Variants in SAG observed in about 807,000 individuals in gnomAD.
The protein encoded by SAG is S-antigen visual arrestin.
A neutral mutation model predicts 55.0 loss-of-function variants in SAG; 45 were observed. The observed-to-expected ratio is 0.82, with a 90% CI of 0.64 to 1.05. The LOEUF is 1.05. Among genes scored for constraint, SAG ranks in the 50% least tolerant of loss-of-function variants. The pLI is 0.00. For synonymous variants in SAG, 189 were observed against 197.4 expected (o/e 0.96, Z 0.36); for missense variants, 455 against 512.1 (o/e 0.89, Z 1.08).
intron 10 of SAG, chr2:233,334,520 A>C: frequency 6.3e-6 from 1 of 158,638 alleles, no homozygotes; most frequent in Non-Finnish European, 1.4e-5. Context: ...CCTCTAGACA[A>C]CTTACCACAC....
In SAG at chr2:233,320,708, T is replaced by C. The variant is rs1476225391; in HGVS notation, c.260T>C (p.Leu87Pro). Residue 87 changes from leucine to proline, a missense_variant, in exon 5 of 16, where the codon CTG (leucine) becomes CCG (proline). By Grantham distance (98) the Leu-to-Pro change is moderately conservative. Transcript: ENST00000409110. ...DVIGLTFRRD[L>P]YFSRVQVYPP... ...ATCGGCTTGACCTTCCGCAGGGACC[T>C]GTACTTCTCCCGGGTCCAGGTGTAT... The C allele has an allele frequency of 1.2e-6, 2 of 1,605,780 alleles. No homozygotes were observed. Among genetic ancestry groups the C allele is most frequent in the South Asian group, 1.1e-5 (1 of 89,412 alleles).
At chr2:233,314,326 A>G (rs1485977102) in intron 2 of SAG, among the ~76,000 whole-genome samples, 1 of 152,090 alleles carries the variant, frequency 6.6e-6, no homozygotes, top group Non-Finnish European at 1.5e-5. Context: ...GGATCGCACA[A>G]TTCTCAGAAC....
Position 233,330,104 on chromosome 2 carries a change from G to T in SAG, c.733+527G>T, listed in dbSNP as rs146551847. 3.8e-4 allele frequency among the ~76,000 whole-genome samples: 58 copies of T among 152,314 alleles called. 1 individual carries two copies. The East Asian group carries it at 9.3e-3, about 24-fold the overall frequency. On this transcript the variant is annotated intron_variant, in intron 9 of 15. Coordinates refer to ENST00000409110, the MANE Select transcript of SAG (RefSeq NM_000541.5). ...ATATCCTACAGGGGAGGTGCCTTCTGCCTGTTGTTCCCACACATTAACTAA... is the reference window on the plus strand; with the variant it reads ...ATATCCTACAGGGGAGGTGCCTTCTTCCTGTTGTTCCCACACATTAACTAA...
intron 2 of SAG, among the ~76,000 whole-genome samples, chr2:233,312,898 G>T (rs1009546976): frequency 2.8e-4 from 43 of 152,174 alleles, no homozygotes; most frequent in African/African-American, 7.5e-4. Flanking sequence ...TATTCCAGGG[G>T]CACAATTGCC....
chr2:233,318,401 T>A (rs1372097), intron 3 of SAG, among the ~76,000 whole-genome samples: 74,381 of 151,662 alleles, frequency 0.49, 18,773 homozygotes, highest in South Asian at 0.64. Context: ...TAATTTTTTT[T>A]AAAAACTTTT....
chr2:233,340,253 G>A lies in SAG; in HGVS notation c.1023-202G>A, dbSNP rs780509221. 9.9e-5 allele frequency among the ~76,000 whole-genome samples: 15 copies of A among 152,088 alleles called. No individual in the cohort carries two copies. Among genetic ancestry groups the A allele is most frequent in the Non-Finnish European group, 7.3e-5 (5 of 68,038 alleles). ...ATTACAGGCATGATCCCCCATGCCCGGCCTTTTTAAACTAATCATCTTGAG... is the reference window on the plus strand; with the variant it reads ...ATTACAGGCATGATCCCCCATGCCCAGCCTTTTTAAACTAATCATCTTGAG... On this transcript the variant is annotated intron_variant, in intron 12 of 15. Transcript: ENST00000409110. The surrounding 1 kb of genome is among the most constrained non-coding windows in gnomAD (Gnocchi z 4.2).
At position 233,319,071 on chromosome 2, in the gene SAG, T is replaced by G; in HGVS notation, c.181+276T>G. ...ACGGAGCCCAGGTCTGTGGCCCCCATTCCTGTTTGCTCGCCCCTGTTTCAT... is the reference window on the plus strand; with the variant it reads ...ACGGAGCCCAGGTCTGTGGCCCCCAGTCCTGTTTGCTCGCCCCTGTTTCAT... On this transcript the variant is annotated intron_variant, in intron 4 of 15. Coordinates refer to ENST00000409110, the MANE Select transcript of SAG (RefSeq NM_000541.5). This position sits in a 1 kb window ranked among gnomAD's most constrained non-coding sequence, Gnocchi z 4.4. The G allele has an allele frequency of 1.6e-6, 1 of 632,574 alleles. No individual in the cohort carries two copies. The highest frequency in any genetic ancestry group is 3.2e-5 in the East Asian group (1 of 31,190). 39.2% of individuals were successfully genotyped at this position (632,574 alleles called of 1,614,324 possible).
At chr2:233,308,854 A>T (rs1465196849) in intron 1 of SAG, among the ~76,000 whole-genome samples, 1 of 152,220 alleles carries the variant, frequency 6.6e-6, no homozygotes, top group African/African-American at 2.4e-5. Flanking sequence ...AAGTGTGATA[A>T]CACCAAAGGT....
intron 2 of SAG, among the ~76,000 whole-genome samples, chr2:233,315,235 C>T (rs1297572364): frequency 6.8e-6 from 1 of 146,102 alleles, no homozygotes; most frequent in Non-Finnish European, 1.5e-5. Flanking sequence ...GGTGGGATTT[C>T]AGGGGCTTCT....
In SAG at chr2:233,342,408, C is replaced by T; in HGVS notation, c.1102+82C>T. 3 of 1,173,236 alleles carry T rather than the reference C, an allele frequency of 2.6e-6. No homozygotes were observed. In the South Asian group the frequency reaches 3.9e-5, roughly 15 times the overall value. The allele number at this position is 1,173,236 out of a possible 1,614,324, so 72.7% of individuals were successfully genotyped here. A position where few individuals can be genotyped will look rare whatever the true frequency, so the allele number is the denominator to read the frequency against. On this transcript the variant is annotated intron_variant, in intron 14 of 15. Transcript: ENST00000409110. ...TTGATGTATTTCTAGTCTTTCTTGACCGCATCTCAGAGCATGGGAGTGGCC... is the reference window on the plus strand; with the variant it reads ...TTGATGTATTTCTAGTCTTTCTTGATCGCATCTCAGAGCATGGGAGTGGCC...
intron 10 of SAG, chr2:233,334,746 T>C (rs1700868790): frequency 3.5e-6 from 2 of 563,452 alleles, no homozygotes; most frequent in Non-Finnish European, 6.4e-6. Flanking sequence ...GCTGAGTTGC[T>C]TGAAGAAATA....
chr2:233,318,471 A>G (rs1399732039), intron 3 of SAG, among the ~76,000 whole-genome samples: 1 of 152,246 alleles, frequency 6.6e-6, no homozygotes, highest in East Asian at 1.9e-4. Flanking sequence ...AGGCTCGAGC[A>G]GTCCTCCTGC....
At chr2:233,325,830 G>A (rs1294358146) in intron 6 of SAG, among the ~76,000 whole-genome samples, 1 of 152,224 alleles carries the variant, frequency 6.6e-6, no homozygotes, top group Admixed American at 6.5e-5. Flanking sequence ...AATGCCTGGG[G>A]GCCTGGGGGC....
At chr2:233,316,159 A>G (rs1700213113) in intron 3 of SAG, 24 bp downstream of exon 3, 2 of 1,440,614 alleles carry the variant, frequency 1.4e-6, no homozygotes, top group Non-Finnish European at 1.9e-6. Context: ...AGAAAACTGT[A>G]ATGCTGGTTT....
At chr2:233,338,643 C>A in intron 11 of SAG, 33 bp from the exon 12 acceptor site, 1 of 1,592,130 alleles carries the variant, frequency 6.3e-7, no homozygotes, top group Non-Finnish European at 8.6e-7. Flanking sequence ...CCTCTGCTCT[C>A]CATCATTCTC....
rs149932084 is a variant in SAG, at chr2:233,327,464, GTTGT to G, written c.512+290_512+293del. On this transcript the variant is annotated intron_variant, in intron 7 of 15. Transcript: ENST00000409110. The stretch of plus-strand genomic sequence containing the variant: ...TCCCCTTTGTTGAAGTTTTGTTGTT[GTTGT>G]TTGTTTGTTTGTTTGTTTGTTTTTT... 3.0e-3 allele frequency: 1,000 copies of G among 337,682 alleles called. 5 individuals are homozygous for G. The highest frequency in any genetic ancestry group is 0.016 in the African/African-American group (742 of 47,084). 20.9% of individuals were successfully genotyped at this position (337,682 alleles called of 1,614,324 possible).
intron 6 of SAG, among the ~76,000 whole-genome samples, chr2:233,324,347 A>T (rs917106068): frequency 6.6e-6 from 1 of 152,194 alleles, no homozygotes; most frequent in African/African-American, 2.4e-5. Flanking sequence ...AGCTGTGATC[A>T]TGCCACTGCA....
intron 3 of SAG, among the ~76,000 whole-genome samples, chr2:233,316,591 A>G (rs768785004): frequency 2.0e-5 from 3 of 152,134 alleles, no homozygotes; most frequent in Non-Finnish European, 2.9e-5. Flanking sequence ...GATTACAGGC[A>G]TGAGCCACTG....
intron 5 of SAG, 51 bp downstream of exon 5, chr2:233,320,874 C>T: frequency 6.8e-7 from 1 of 1,461,952 alleles, no homozygotes; most frequent in Non-Finnish European, 9.3e-7. Flanking sequence ...AGCACCTTAT[C>T]ATGTGGATGG....
Sources: allele counts gnomAD v4.1 joint callset (sites outside exome capture counted in the v4.1 genomes callset), GRCh38; gene constraint gnomAD v4.1.1; non-coding constraint Gnocchi (gnomAD v3.1); transcripts MANE v1.5; gene names NCBI Gene and HGNC (gene_info 2026-07-23, HGNC 2026-07-21).